The following SAP30BP variants were observed in gnomAD, a reference collection of about 807,000 sequenced individuals.
SAP30BP encodes SAP30-binding protein.
In SAP30BP, 31 loss-of-function variants were observed where a neutral mutation model predicts 46.3. The observed-to-expected ratio is 0.67, with a 90% CI of 0.50 to 0.90. SAP30BP has a LOEUF of 0.90. Among genes scored for constraint, SAP30BP ranks in the 40% least tolerant of loss-of-function variants. The probability of loss-of-function intolerance (pLI) is 0.00; values close to 1 mark genes in which losing one functional copy is unlikely to be tolerated. For synonymous variants in SAP30BP, 169 were observed against 144.2 expected (o/e 1.17, Z -1.23); for missense variants, 312 against 391.0 (o/e 0.80, Z 1.70).
intron 3 of SAP30BP, among the ~76,000 whole-genome samples, chr17:75,688,740 G>C (rs1568311888): frequency 6.6e-6 from 1 of 152,154 alleles, no homozygotes. Context: ...GGTCTATATT[G>C]TTGTTACTTC....
At chr17:75,700,994 GC>G (rs1373259344) in intron 5 of SAP30BP, among the ~76,000 whole-genome samples, 1 of 152,174 alleles carries the variant, frequency 6.6e-6, no homozygotes, top group Non-Finnish European at 1.5e-5. Flanking sequence ...AAGTTGCCAA[GC>G]CTTCTGTATA....
At chr17:75,696,998 C>T (rs949587931) in intron 4 of SAP30BP, among the ~76,000 whole-genome samples, 17 of 152,110 alleles carry the variant, frequency 1.1e-4, no homozygotes, top group Middle Eastern at 3.4e-3. Flanking sequence ...AGGATGATCT[C>T]GATCTCCTGA....
At chr17:75,685,427 A>G (rs1041146206) in intron 3 of SAP30BP, among the ~76,000 whole-genome samples, 1 of 152,144 alleles carries the variant, frequency 6.6e-6, no homozygotes, top group Non-Finnish European at 1.5e-5. Context: ...GCTGTGCTTC[A>G]AAGATGCTTG....
At position 75,698,262 on chromosome 17, in the gene SAP30BP, T is replaced by A. The variant is rs962805631; in HGVS notation, c.308-1521T>A. Among the ~76,000 whole-genome samples, 3 of 152,340 alleles carry A rather than the reference T, an allele frequency of 2.0e-5. No individual in the cohort carries two copies. In the East Asian group the frequency reaches 5.8e-4, roughly 29 times the overall value. The stretch of plus-strand genomic sequence containing the variant: ...TGGTTCTTCCCATCAGAATCAGGCC[T>A]TTTGTTCTCAGGAATGAGGTGGGCT... On this transcript the variant is annotated intron_variant, in intron 4 of 10. Coordinates refer to ENST00000584667, the MANE Select transcript of SAP30BP (RefSeq NM_013260.8).
intron 4 of SAP30BP, among the ~76,000 whole-genome samples, chr17:75,693,887 C>T (rs2060275663): frequency 6.6e-6 from 1 of 152,192 alleles, no homozygotes; most frequent in Non-Finnish European, 1.5e-5. Flanking sequence ...TGGCACTTTG[C>T]TCTGTCCCCA....
chr17:75,668,422 G>T, intron 1 of SAP30BP, 94 bp from the exon 2 acceptor site: 1 of 701,552 alleles, frequency 1.4e-6, no homozygotes. Context: ...AGATAGTCTT[G>T]GCCACTCAAA....
At chr17:75,680,221 A>G (rs1224741040) in intron 3 of SAP30BP, among the ~76,000 whole-genome samples, 4 of 152,118 alleles carry the variant, frequency 2.6e-5, no homozygotes, top group African/African-American at 9.7e-5. Context: ...AGGAGTGTAC[A>G]TCTGTGAAAA....
intron 5 of SAP30BP, among the ~76,000 whole-genome samples, chr17:75,701,701 A>G (rs1240941981): frequency 1.3e-5 from 2 of 152,234 alleles, no homozygotes; most frequent in Non-Finnish European, 2.9e-5. Context: ...CGTTAAAAGG[A>G]CATAGCCCTT....
Position 75,706,824 on chromosome 17 carries a change from A to G in SAP30BP, c.*303A>G, listed in dbSNP as rs1393471715. On this transcript the variant is annotated 3_prime_UTR_variant, in exon 11 of 11. Coordinates refer to ENST00000584667, the MANE Select transcript of SAP30BP (RefSeq NM_013260.8). The surrounding 1 kb of genome is among the most constrained non-coding windows in gnomAD (Gnocchi z 4.6). ...TTTGCAGGCAAATGCTTCAGCTCACATGTCCCCCAAGACTCAATAGTCTTG... is the reference window on the plus strand; with the variant it reads ...TTTGCAGGCAAATGCTTCAGCTCACGTGTCCCCCAAGACTCAATAGTCTTG... The G allele has an allele frequency of 4.8e-6, 2 of 414,852 alleles. No individual in the cohort carries two copies. Among genetic ancestry groups the G allele is most frequent in the Non-Finnish European group, 8.8e-6 (2 of 226,466 alleles). The allele number at this position is 414,852 out of a possible 1,614,324, so 25.7% of individuals were successfully genotyped here.
chr17:75,677,297 G>T (rs1009762991), intron 3 of SAP30BP, among the ~76,000 whole-genome samples: 1 of 151,582 alleles, frequency 6.6e-6, no homozygotes, highest in African/African-American at 2.4e-5. Flanking sequence ...TAGAGACAGG[G>T]TTTCACCATA....
At chr17:75,671,329 T>G (rs1052857947) in intron 2 of SAP30BP, among the ~76,000 whole-genome samples, 1 of 152,208 alleles carries the variant, frequency 6.6e-6, no homozygotes, top group Non-Finnish European at 1.5e-5. Context: ...GATACAGCTG[T>G]GTGTAAGCCT....
chr17:75,696,991 A>G (rs958406174), intron 4 of SAP30BP, among the ~76,000 whole-genome samples: 9 of 151,826 alleles, frequency 5.9e-5, no homozygotes, highest in Non-Finnish European at 1.2e-4. Context: ...TTTAGCCAGG[A>G]TGATCTCGAT....
In SAP30BP at chr17:75,699,650, C is replaced by T. The variant is rs1482264036; in HGVS notation, c.308-133C>T. On this transcript the variant is annotated intron_variant, in intron 4 of 10. Transcript: ENST00000584667. ...GATGACACCTCAGAGAGGCCACATC[C>T]GAACACTCAGTTGTACTGTTTTCAT... 1.5e-5 allele frequency: 9 copies of T among 606,204 alleles called. 1 individual carries two copies. Among genetic ancestry groups the T allele is most frequent in the South Asian group, 4.0e-5 (2 of 49,914 alleles). 37.6% of individuals were successfully genotyped at this position (606,204 alleles called of 1,614,324 possible).
intron 3 of SAP30BP, among the ~76,000 whole-genome samples, chr17:75,677,444 T>TG (rs1420799373): frequency 6.7e-6 from 1 of 149,278 alleles, no homozygotes; most frequent in Admixed American, 6.7e-5. Flanking sequence ...TTTTTTTTTT[T>TG]TTTTTGGAAA....
At chr17:75,696,206 G>A (rs777180041) in intron 4 of SAP30BP, among the ~76,000 whole-genome samples, 5 of 152,090 alleles carry the variant, frequency 3.3e-5, no homozygotes, top group Admixed American at 2.0e-4. Flanking sequence ...TGGACACATC[G>A]CTTTACTGGC....
intron 3 of SAP30BP, among the ~76,000 whole-genome samples, chr17:75,682,800 T>TA (rs1412059047): frequency 6.6e-6 from 1 of 150,722 alleles, no homozygotes; most frequent in Non-Finnish European, 1.5e-5. Flanking sequence ...CCATCTCTAC[T>TA]AAAAATACAA....
chr17:75,674,908 G>A (rs1187532295), intron 3 of SAP30BP, among the ~76,000 whole-genome samples: 1 of 151,290 alleles, frequency 6.6e-6, no homozygotes, highest in East Asian at 1.9e-4. Context: ...TTGCCATATT[G>A]CCCCGGCTGG....
chr17:75,686,035 A>G lies in SAP30BP; in HGVS notation c.265-7405A>G, dbSNP rs142109331. 1.4e-4 allele frequency among the ~76,000 whole-genome samples: 21 copies of G among 152,372 alleles called. No homozygotes were observed. In the East Asian group the frequency reaches 3.5e-3, roughly 25 times the overall value. Reference sequence around the variant, plus strand: ...TTACATTGAAGTCTAGTTGGTTGTAACATGTTCCATGTAACAACATCAGGA... The same window carrying G: ...TTACATTGAAGTCTAGTTGGTTGTAGCATGTTCCATGTAACAACATCAGGA... On this transcript the variant is annotated intron_variant, in intron 3 of 10. Transcript: ENST00000584667.
At chr17:75,682,447 AGTGCTGGGATTACAAGCGT>A (rs1377595685) in intron 3 of SAP30BP, among the ~76,000 whole-genome samples, 1 of 152,042 alleles carries the variant, frequency 6.6e-6, no homozygotes, top group Non-Finnish European at 1.5e-5. Flanking sequence ...GGCCTCCCAA[AGTGCTGGGATTACAAGCGT>A]GAGCTGGGAT....
Sources: gnomAD v4.1 joint callset for allele counts (sites outside exome capture counted in the v4.1 genomes callset) on GRCh38, gnomAD v4.1.1 for gene constraint, Gnocchi (gnomAD v3.1) non-coding constraint, MANE v1.5 for transcripts, NCBI Gene and HGNC (gene_info 2026-07-23, HGNC 2026-07-21) for gene names.